The following DGKG variants were observed in gnomAD, a reference collection of about 807,000 sequenced individuals.
DGKG encodes the protein DAG kinase gamma.
In DGKG, 78 loss-of-function variants were observed where a neutral mutation model predicts 105.3. The observed-to-expected ratio is 0.74, with a 90% CI of 0.62 to 0.89. The LOEUF is 0.89. Ranked by LOEUF, DGKG falls within the 40% of genes least tolerant of loss-of-function variation. DGKG has a pLI of 0.00. For missense variants in DGKG, 958 were observed against 1,020.1 expected, an observed-to-expected ratio of 0.94 and a Z score of 0.83; for synonymous variants, 346 against 367.1, an observed-to-expected ratio of 0.94 and a Z score of 0.66.
chr3:186,193,760 G>A (rs115281561), intron 21 of DGKG, among the ~76,000 whole-genome samples: 3,889 of 152,316 alleles, frequency 0.026, 117 homozygotes, highest in African/African-American at 0.071. Flanking sequence ...TCCTCCAACT[G>A]TTCCATGACG....
Position 186,330,010 on chromosome 3 carries a change from A to G in DGKG, c.-248-9303T>C, listed in dbSNP as rs73885846. On this transcript the variant is annotated intron_variant, in intron 1 of 24. Coordinates refer to ENST00000265022, the MANE Select transcript of DGKG (RefSeq NM_001346.3). ...TTTGACACTAGAAAAATGATTCTCA[A>G]CCTTTTATTGACCAAGATCATTTTC... Among the ~76,000 whole-genome samples the G allele has an allele frequency of 2.8e-3, 428 of 152,328 alleles. 3 individuals carry two copies. The highest frequency in any genetic ancestry group is 0.014 in the Middle Eastern group (4 of 294).
Position 186,210,084 on chromosome 3 carries a change from C to T in DGKG, c.1917+1711G>A, listed in dbSNP as rs1037911204. 5.9e-5 allele frequency among the ~76,000 whole-genome samples: 9 copies of T among 152,282 alleles called. No homozygotes were observed. The highest frequency in any genetic ancestry group is 2.2e-4 in the African/African-American group (9 of 41,544). On this transcript the variant is annotated intron_variant, in intron 21 of 24. Transcript: ENST00000265022. The surrounding 1 kb of genome is among the most constrained non-coding windows in gnomAD (Gnocchi z 5.2). ...TGCGGTTGAGGAAGAGCCTCTGTCT[C>T]TCAAACCCAGAGGGGACTGTGGGGC...
intron 1 of DGKG, among the ~76,000 whole-genome samples, chr3:186,352,714 G>C (rs1726692569): frequency 6.6e-6 from 1 of 152,072 alleles, no homozygotes; most frequent in Non-Finnish European, 1.5e-5. Flanking sequence ...TCCTGGTTCT[G>C]TCCCTGACTC....
At position 186,226,328 on chromosome 3, in the gene DGKG, C is replaced by T. The variant is rs1245877146; in HGVS notation, c.1827-14443G>A. Among the ~76,000 whole-genome samples the T allele has an allele frequency of 2.0e-5, 3 of 152,070 alleles. No individual in the cohort carries two copies. Among genetic ancestry groups the T allele is most frequent in the Admixed American group, 2.0e-4 (3 of 15,254 alleles). On this transcript the variant is annotated intron_variant, in intron 20 of 24. Coordinates refer to ENST00000265022, the MANE Select transcript of DGKG (RefSeq NM_001346.3). This position sits in a 1 kb window ranked among gnomAD's most constrained non-coding sequence, Gnocchi z 4.2. ...CATTTTTCTTTAGTGCAATTTTTAC[C>T]AGTTGTGGAGATGGGGCCAGAGGGG...
intron 22 of DGKG, among the ~76,000 whole-genome samples, chr3:186,167,948 A>G (rs1716631657): frequency 6.6e-6 from 1 of 152,234 alleles, no homozygotes; most frequent in Admixed American, 6.5e-5. Flanking sequence ...CTGCAGGATC[A>G]AGGAAGCCTG....
intron 20 of DGKG, among the ~76,000 whole-genome samples, chr3:186,221,029 G>T (rs936145463): frequency 2.6e-5 from 4 of 152,168 alleles, no homozygotes; most frequent in African/African-American, 9.7e-5. Flanking sequence ...GTGCACGTGC[G>T]GGCACACACA....
chr3:186,283,662 A>G (rs1578774363), intron 7 of DGKG, among the ~76,000 whole-genome samples: 1 of 152,218 alleles, frequency 6.6e-6, no homozygotes, highest in African/African-American at 2.4e-5. Context: ...AGTTGGCTAC[A>G]CTGCCATACC....
intron 22 of DGKG, among the ~76,000 whole-genome samples, chr3:186,166,760 T>C (rs1261548087): frequency 6.7e-6 from 1 of 150,298 alleles, no homozygotes; most frequent in African/African-American, 2.4e-5. Context: ...GATGTTGGGA[T>C]AGGAGAGAGG....
At chr3:186,206,909 C>A (rs973747180) in intron 21 of DGKG, among the ~76,000 whole-genome samples, 1 of 152,112 alleles carries the variant, frequency 6.6e-6, no homozygotes, top group Non-Finnish European at 1.5e-5. Context: ...GCCACCACAC[C>A]CAGCTAATTT....
intron 21 of DGKG, among the ~76,000 whole-genome samples, chr3:186,195,103 T>TAA (rs3831854): frequency 1.6e-4 from 24 of 149,822 alleles, no homozygotes; most frequent in South Asian, 6.3e-4. Context: ...AGACTCTGTA[T>TAA]AAAAAAAAAA....
intron 1 of DGKG, among the ~76,000 whole-genome samples, chr3:186,353,380 G>T (rs148954235): frequency 6.6e-6 from 1 of 151,796 alleles, no homozygotes; most frequent in African/African-American, 2.4e-5. Context: ...TTAGCCAGAT[G>T]TGGTGGCATG....
At chr3:186,335,379 TG>T (rs1415005792) in intron 1 of DGKG, among the ~76,000 whole-genome samples, 1 of 152,224 alleles carries the variant, frequency 6.6e-6, no homozygotes, top group East Asian at 1.9e-4. Context: ...ATTTGATAAT[TG>T]TGGTGAGTGA....
intron 22 of DGKG, among the ~76,000 whole-genome samples, chr3:186,177,708 C>T (rs1023878145): frequency 1.1e-4 from 16 of 152,188 alleles, no homozygotes; most frequent in Non-Finnish European, 1.6e-4. Flanking sequence ...CAGGCTCTAT[C>T]GTGTGTTATC....
chr3:186,243,056 C>A (rs536225195), intron 19 of DGKG, among the ~76,000 whole-genome samples: 17 of 152,138 alleles, frequency 1.1e-4, no homozygotes, highest in African/African-American at 4.1e-4. Context: ...AGGTCCCGTT[C>A]ACTCAGCTTC....
chr3:186,353,620 CTCTCTATCTA>C (rs1390605701), intron 1 of DGKG, among the ~76,000 whole-genome samples: 2 of 138,466 alleles, frequency 1.4e-5, no homozygotes, highest in Admixed American at 7.3e-5. Context: ...TATATATAGA[CTCTCTATCTA>C]TATCTATATC....
intron 5 of DGKG, among the ~76,000 whole-genome samples, chr3:186,296,941 T>C (rs987873249): frequency 5.9e-5 from 9 of 152,154 alleles, no homozygotes; most frequent in African/African-American, 2.2e-4. Context: ...ATATATGTTG[T>C]TGGAAGTCAA....
intron 21 of DGKG, among the ~76,000 whole-genome samples, chr3:186,209,093 C>CTTTTTTTT (rs34226259): frequency 6.7e-5 from 6 of 89,834 alleles, no homozygotes; most frequent in African/African-American, 1.9e-4. Context: ...GTTTACTCTT[C>CTTTTTTTT]TTTTTTTTTT....
chr3:186,291,516 G>A (rs1377019429), intron 5 of DGKG, among the ~76,000 whole-genome samples: 7 of 151,994 alleles, frequency 4.6e-5, no homozygotes, highest in South Asian at 2.1e-4. Flanking sequence ...GTTAACAGAC[G>A]AACAAATTGT....
At position 186,226,461 on chromosome 3, in the gene DGKG, C is replaced by G. The variant is rs1450813102; in HGVS notation, c.1827-14576G>C. Among the ~76,000 whole-genome samples, 1 of 150,428 alleles carries G rather than the reference C, an allele frequency of 6.6e-6. No individual in the cohort carries two copies. Among genetic ancestry groups the G allele is most frequent in the Admixed American group, 6.7e-5 (1 of 14,852 alleles). On this transcript the variant is annotated intron_variant, in intron 20 of 24. Coordinates refer to ENST00000265022, the MANE Select transcript of DGKG (RefSeq NM_001346.3). The surrounding 1 kb of genome is among the most constrained non-coding windows in gnomAD (Gnocchi z 4.2). ...ATACAGAAACCGTGATTATGAGCAG[C>G]CGCTTCCCCTCTCCCCACCCAAGTT...
Sources: gnomAD v4.1 joint callset for allele counts (sites outside exome capture counted in the v4.1 genomes callset) on GRCh38, gnomAD v4.1.1 for gene constraint, Gnocchi (gnomAD v3.1) non-coding constraint, MANE v1.5 for transcripts, NCBI Gene and HGNC (gene_info 2026-07-23, HGNC 2026-07-21) for gene names.